Variants in MOXD1 observed in about 807,000 individuals in gnomAD.
MOXD1 encodes the protein monooxygenase DBH like 1.
Under a neutral mutation model 66.6 loss-of-function variants are expected in MOXD1, and 62 were observed. The observed-to-expected ratio is 0.93, with a 90% CI of 0.76 to 1.15. The LOEUF (loss-of-function observed/expected upper bound fraction) is 1.15, where lower values mean the gene tolerates loss of function less well. MOXD1 is among the 50% of genes most tolerant of loss of function. The pLI is 0.00. For synonymous variants in MOXD1, 303 were observed against 281.9 expected (o/e 1.07, Z -0.75); for missense variants, 847 against 754.6 (o/e 1.12, Z -1.44).
intron 10 of MOXD1, among the ~76,000 whole-genome samples, chr6:132,309,242 C>A (rs903807909): frequency 2.0e-5 from 3 of 151,972 alleles, no homozygotes; most frequent in African/African-American, 4.8e-5. Context: ...AAGCAGAGAG[C>A]CAAATCATGA....
At chr6:132,333,350 A>AAG (rs1304823917) in intron 4 of MOXD1, among the ~76,000 whole-genome samples, 3 of 143,106 alleles carry the variant, frequency 2.1e-5, no homozygotes, top group African/African-American at 8.6e-5. Context: ...AAAAAAAAAA[A>AAG]AAAAAATACT....
intron 1 of MOXD1, among the ~76,000 whole-genome samples, chr6:132,382,041 A>G (rs1776522382): frequency 2.0e-5 from 3 of 152,164 alleles, no homozygotes; most frequent in Non-Finnish European, 4.4e-5. Flanking sequence ...GATTTGAAAA[A>G]TAAAAATAGA....
intron 4 of MOXD1, among the ~76,000 whole-genome samples, chr6:132,365,458 C>CT (rs1285880275): frequency 1.3e-5 from 2 of 152,154 alleles, no homozygotes; most frequent in Non-Finnish European, 2.9e-5. Flanking sequence ...ACAGACTTTT[C>CT]TTTTTGTTTT....
chr6:132,375,420 C>T (rs984281216), intron 1 of MOXD1, among the ~76,000 whole-genome samples: 1 of 152,156 alleles, frequency 6.6e-6, no homozygotes, highest in African/African-American at 2.4e-5. Context: ...ATTTGTTCAA[C>T]GGTGTACCTA....
chr6:132,300,578 C>T (rs1450878129), intron 10 of MOXD1, among the ~76,000 whole-genome samples: 1 of 152,034 alleles, frequency 6.6e-6, no homozygotes. Flanking sequence ...TCTGGTGCCC[C>T]GCTGTTAAGA....
chr6:132,356,340 C>G (rs907337983), intron 4 of MOXD1, among the ~76,000 whole-genome samples: 1 of 152,096 alleles, frequency 6.6e-6, no homozygotes, highest in African/African-American at 2.4e-5. Flanking sequence ...CCAAAGCAAT[C>G]AGAAATATTA....
intron 1 of MOXD1, among the ~76,000 whole-genome samples, chr6:132,395,296 G>A (rs2114698485): frequency 6.6e-6 from 1 of 152,222 alleles, no homozygotes; most frequent in Admixed American, 6.5e-5. Flanking sequence ...TATAAGAAAT[G>A]CCAAGGGAGT....
rs139863971 is a variant in MOXD1, at chr6:132,365,864, A to T, written c.663+6744T>A. Among the ~76,000 whole-genome samples the T allele has an allele frequency of 2.4e-3, 366 of 152,220 alleles. 2 individuals carry two copies. Among genetic ancestry groups the T allele is most frequent in the African/African-American group, 8.5e-3 (355 of 41,534 alleles). On this transcript the variant is annotated intron_variant, in intron 4 of 11. Coordinates refer to ENST00000367963, the MANE Select transcript of MOXD1 (RefSeq NM_015529.4). Reference sequence around the variant, plus strand: ...GTTCCTACCAACTTTTTTTCTGTACAAAGTTACAGTTTCAGCCACAGTAAA... The same window carrying T: ...GTTCCTACCAACTTTTTTTCTGTACTAAGTTACAGTTTCAGCCACAGTAAA...
intron 10 of MOXD1, among the ~76,000 whole-genome samples, chr6:132,298,709 C>T (rs1016650381): frequency 3.3e-5 from 5 of 151,686 alleles, no homozygotes; most frequent in African/African-American, 1.2e-4. Context: ...AAATAAAAAC[C>T]AGAGTGAGAT....
chr6:132,361,925 A>C (rs1405756413), intron 4 of MOXD1, among the ~76,000 whole-genome samples: 1 of 152,182 alleles, frequency 6.6e-6, no homozygotes, highest in Non-Finnish European at 1.5e-5. Context: ...TTGATAACTC[A>C]GTAAAGGTGT....
At chr6:132,380,928 T>G (rs1184663441) in intron 1 of MOXD1, among the ~76,000 whole-genome samples, 3 of 152,162 alleles carry the variant, frequency 2.0e-5, no homozygotes, top group African/African-American at 7.2e-5. Flanking sequence ...CACATGAATC[T>G]TAGGAGACCG....
chr6:132,330,828 G>A (rs1438176504), intron 4 of MOXD1, among the ~76,000 whole-genome samples: 1 of 152,118 alleles, frequency 6.6e-6, no homozygotes, highest in Non-Finnish European at 1.5e-5. Context: ...TAAGCAAGGG[G>A]GGAAATGGTA....
At chr6:132,396,941 A>G (rs1056575851) in intron 1 of MOXD1, among the ~76,000 whole-genome samples, 1 of 152,198 alleles carries the variant, frequency 6.6e-6, no homozygotes. Flanking sequence ...TTCCCATGTG[A>G]CTGTCTTCTT....
intron 1 of MOXD1, chr6:132,375,169 T>C: frequency 4.0e-6 from 1 of 249,058 alleles, no homozygotes; most frequent in Non-Finnish European, 7.6e-6. Context: ...GAATCAGCCC[T>C]AAGGTCATCA....
chr6:132,325,063 T>G (rs1190816000), intron 6 of MOXD1: 1 of 152,058 alleles, frequency 6.6e-6, no homozygotes, highest in Non-Finnish European at 1.5e-5. Flanking sequence ...TCAATAATTA[T>G]CCCAGGAAAT....
intron 9 of MOXD1, among the ~76,000 whole-genome samples, chr6:132,317,031 G>T (rs1012059469): frequency 6.6e-6 from 1 of 151,938 alleles, no homozygotes; most frequent in Non-Finnish European, 1.5e-5. Flanking sequence ...ATCTTGAAAG[G>T]AGCAAGAGAA....
At chr6:132,386,620 A>G (rs1029516747) in intron 1 of MOXD1, among the ~76,000 whole-genome samples, 8 of 151,420 alleles carry the variant, frequency 5.3e-5, no homozygotes, top group African/African-American at 1.9e-4. Context: ...ATAACCTGAA[A>G]GTGTAAATGC....
rs753012535 is a variant in MOXD1 at position 132,392,249 on chromosome 6, C to T, written c.264+8914G>A. On this transcript the variant is annotated intron_variant, in intron 1 of 11. Coordinates refer to ENST00000367963, the MANE Select transcript of MOXD1 (RefSeq NM_015529.4). ...TGGCCCGGCAGCAATTACCCTGCTG[C>T]TGAAGACACTTCGCATCACAGGCCT... is the stretch of plus-strand genomic sequence containing the variant. The T allele has an allele frequency of 3.6e-5, 57 of 1,603,748 alleles. 1 individual carries two copies. In the Middle Eastern group the frequency reaches 4.3e-3, roughly 120 times the overall value.
At chr6:132,305,325 C>T (rs1307492878) in intron 10 of MOXD1, among the ~76,000 whole-genome samples, 1 of 152,236 alleles carries the variant, frequency 6.6e-6, no homozygotes, top group Non-Finnish European at 1.5e-5. Flanking sequence ...GGAGGAACTC[C>T]AATGACTCCA....
Sources: allele counts gnomAD v4.1 joint callset (sites outside exome capture counted in the v4.1 genomes callset), GRCh38; gene constraint gnomAD v4.1.1; transcripts MANE v1.5; gene names NCBI Gene and HGNC (gene_info 2026-07-23, HGNC 2026-07-21).